DIP2B: variants seen among roughly 807,000 people sequenced by gnomAD.
DIP2B encodes DIP2 acetate--CoA ligase B (putative), also known as disco-interacting protein 2 homolog B.
Under a neutral mutation model 198.0 loss-of-function variants are expected in DIP2B, and 76 were observed. The ratio of observed to expected loss-of-function variants is 0.38; its 90% CI spans 0.32 to 0.46. The LOEUF is 0.46. Among genes scored for constraint, DIP2B ranks in the 20% least tolerant of loss-of-function variants. DIP2B has a pLI of 0.99. For missense variants in DIP2B, 1,559 were observed against 1,978.4 expected, an observed-to-expected ratio of 0.79 and a Z score of 4.02; for synonymous variants, 701 against 739.1, an observed-to-expected ratio of 0.95 and a Z score of 0.84.
chr12:50,516,772 C>T (rs1057212631), intron 1 of DIP2B, among the ~76,000 whole-genome samples: 3 of 151,938 alleles, frequency 2.0e-5, no homozygotes, highest in Non-Finnish European at 2.9e-5. Context: ...GTCAGGAGTT[C>T]GAGACCAGCC....
intron 1 of DIP2B, among the ~76,000 whole-genome samples, chr12:50,530,669 GA>G (rs1958209190): frequency 6.6e-6 from 1 of 152,170 alleles, no homozygotes; most frequent in African/African-American, 2.4e-5. Context: ...AAGAGGGAAT[GA>G]AAAGAAGTAT....
intron 30 of DIP2B, among the ~76,000 whole-genome samples, chr12:50,729,831 G>A (rs1346690197): frequency 6.6e-6 from 1 of 151,170 alleles, no homozygotes; most frequent in South Asian, 2.1e-4. Context: ...CCAAGCTCAA[G>A]CGATCCTCCC....
At chr12:50,681,343 G>A (rs913487587) in intron 9 of DIP2B, among the ~76,000 whole-genome samples, 11 of 152,028 alleles carry the variant, frequency 7.2e-5, no homozygotes, top group African/African-American at 2.2e-4. Flanking sequence ...GGTTAAGGCG[G>A]GAGGATTGCT....
intron 3 of DIP2B, among the ~76,000 whole-genome samples, chr12:50,641,457 A>G (rs1167072431): frequency 2.0e-5 from 3 of 152,196 alleles, no homozygotes; most frequent in South Asian, 2.1e-4. Flanking sequence ...ATAAGTAAAT[A>G]AGAAAGTGAA....
At chr12:50,637,022 A>T (rs1172244644) in intron 2 of DIP2B, among the ~76,000 whole-genome samples, 1 of 152,100 alleles carries the variant, frequency 6.6e-6, no homozygotes, top group Non-Finnish European at 1.5e-5. Context: ...GACTGTCCTC[A>T]ATTACTCACA....
intron 3 of DIP2B, among the ~76,000 whole-genome samples, chr12:50,642,233 C>T (rs938259761): frequency 6.6e-6 from 1 of 152,060 alleles, no homozygotes; most frequent in Non-Finnish European, 1.5e-5. Context: ...GGCAGACAAA[C>T]AAGAGTTAGC....
chr12:50,600,545 A>G (rs2139441557), intron 1 of DIP2B, among the ~76,000 whole-genome samples: 1 of 152,268 alleles, frequency 6.6e-6, no homozygotes, highest in African/African-American at 2.4e-5. Flanking sequence ...TGCCTGCAAG[A>G]TCATCTTTCC....
chr12:50,524,323 A>G (rs1173229348), intron 1 of DIP2B, among the ~76,000 whole-genome samples: 2 of 152,132 alleles, frequency 1.3e-5, no homozygotes, highest in African/African-American at 4.8e-5. Flanking sequence ...TAAACTGCAA[A>G]TTAGGTCATA....
At chr12:50,689,930 A>G (rs1385461028) in intron 12 of DIP2B, among the ~76,000 whole-genome samples, 1 of 152,178 alleles carries the variant, frequency 6.6e-6, no homozygotes, top group Non-Finnish European at 1.5e-5. Flanking sequence ...GAAAGGTTCG[A>G]TAAGGTATGC....
intron 14 of DIP2B, among the ~76,000 whole-genome samples, chr12:50,694,062 T>A (rs1278033205): frequency 6.6e-6 from 1 of 152,150 alleles, no homozygotes; most frequent in African/African-American, 2.4e-5. Flanking sequence ...AGGCAGGACC[T>A]CCTGTAAGAA....
intron 1 of DIP2B, among the ~76,000 whole-genome samples, chr12:50,532,783 A>G (rs918257949): frequency 2.6e-5 from 4 of 152,182 alleles, no homozygotes; most frequent in Non-Finnish European, 5.9e-5. Context: ...CCTTTCCTCT[A>G]GAAGGAGCAG....
chr12:50,717,896 CTT>C (rs60627093), intron 23 of DIP2B, among the ~76,000 whole-genome samples: 1 of 87,054 alleles, frequency 1.1e-5, no homozygotes, highest in African/African-American at 4.6e-5. Flanking sequence ...CCATTATTCA[CTT>C]TTTTTTTTTT....
At chr12:50,601,532 G>A (rs1265920673) in intron 1 of DIP2B, among the ~76,000 whole-genome samples, 1 of 151,996 alleles carries the variant, frequency 6.6e-6, no homozygotes, top group African/African-American at 2.4e-5. Context: ...TAGAGATGGG[G>A]TTTCACTGTG....
chr12:50,537,642 A>G (rs1417097537), intron 1 of DIP2B, among the ~76,000 whole-genome samples: 1 of 152,166 alleles, frequency 6.6e-6, no homozygotes, highest in East Asian at 1.9e-4. Flanking sequence ...TTTGGGCATC[A>G]TCTTCATGTG....
At chr12:50,550,503 G>C (rs1022757464) in intron 1 of DIP2B, among the ~76,000 whole-genome samples, 3 of 152,062 alleles carry the variant, frequency 2.0e-5, no homozygotes, top group Non-Finnish European at 4.4e-5. Context: ...CATGTTCTAG[G>C]GTCCTGAGGG....
At chr12:50,717,526 C>T (rs1029703719) in intron 23 of DIP2B, among the ~76,000 whole-genome samples, 26 of 151,796 alleles carry the variant, frequency 1.7e-4, no homozygotes, top group Non-Finnish European at 3.1e-4. Context: ...CCACCATACC[C>T]GGCTAATTTT....
chr12:50,686,029 A>T (rs1939124461), intron 11 of DIP2B, 73 bp downstream of exon 11: 6 of 1,459,364 alleles, frequency 4.1e-6, no homozygotes, highest in Non-Finnish European at 5.6e-6. Context: ...TTAATTTAGT[A>T]ATAGCTAGGT....
Position 50,545,674 on chromosome 12 carries a change from C to CTT in DIP2B, c.100+40449_100+40450dup, listed in dbSNP as rs71441371. ...GTAACTTTTATTTTTTGGAGGCAGA[C>CTT]TTTTTTTTTTTTTTTTCATAACGCT... On this transcript the variant is annotated intron_variant, in intron 1 of 37. Transcript: ENST00000301180. 1.4e-4 allele frequency among the ~76,000 whole-genome samples: 20 copies of CTT among 139,648 alleles called. No homozygotes were observed. In the East Asian group the frequency reaches 1.5e-3, roughly 10 times the overall value. The allele number at this position is 139,648 out of a possible 152,430, so 91.6% of individuals were successfully genotyped here.
chr12:50,644,475 C>T (rs1463853084), intron 3 of DIP2B, among the ~76,000 whole-genome samples: 2 of 152,324 alleles, frequency 1.3e-5, no homozygotes, highest in African/African-American at 2.4e-5. Context: ...TACCCAGCTT[C>T]CACATGCTTC....
Sources: gnomAD v4.1 joint callset for allele counts (sites outside exome capture counted in the v4.1 genomes callset) on GRCh38, gnomAD v4.1.1 for gene constraint, MANE v1.5 for transcripts, NCBI Gene and HGNC (gene_info 2026-07-23, HGNC 2026-07-21) for gene names.